Variants in UBE2D3 observed in about 807,000 individuals in gnomAD.
UBE2D3 encodes ubiquitin conjugating enzyme E2 D3.
Under a neutral mutation model 22.8 loss-of-function variants are expected in UBE2D3, and 2 were observed. The observed-to-expected ratio is 0.09, with a 90% CI of 0.04 to 0.28. The LOEUF is 0.28. Among genes scored for constraint, UBE2D3 ranks in the 10% least tolerant of loss-of-function variants. The pLI, the probability that UBE2D3 is intolerant of heterozygous loss-of-function variation, is 1.00. For missense variants in UBE2D3, 27 were observed against 182.5 expected (o/e 0.15, Z 4.91); for synonymous variants, 56 against 60.4 (o/e 0.93, Z 0.34).
At chr4:102,799,831 CT>C (rs1293175891) in intron 6 of UBE2D3, among the ~76,000 whole-genome samples, 25 of 69,334 alleles carry the variant, frequency 3.6e-4, no homozygotes, top group African/African-American at 1.6e-3. Context: ...TACTCAGTGG[CT>C]GGGGGGGGGG....
intron 2 of UBE2D3, chr4:102,825,523 C>G (rs1043478581): frequency 6.9e-5 from 81 of 1,173,212 alleles, no homozygotes; most frequent in Non-Finnish European, 8.5e-5. Flanking sequence ...CCAGTTAAAG[C>G]AGCCGCCATC....
chr4:102,833,052 A>G (rs1731199457), intron 1 of UBE2D3, among the ~76,000 whole-genome samples: 1 of 152,022 alleles, frequency 6.6e-6, no homozygotes. Context: ...CTAATAAAAT[A>G]ACTTGAAACA....
chr4:102,842,988 T>C (rs1334947869), intron 1 of UBE2D3, among the ~76,000 whole-genome samples: 1 of 145,066 alleles, frequency 6.9e-6, no homozygotes. Context: ...TGCATGCTTG[T>C]AATCCCAGCT....
chr4:102,814,457 C>CT (rs574701413), intron 2 of UBE2D3, among the ~76,000 whole-genome samples: 1,615 of 119,102 alleles, frequency 0.014, 17 homozygotes, highest in Non-Finnish European at 0.02. Context: ...CCTGGCTATT[C>CT]TTTTTTTTTT....
At chr4:102,861,974 G>C (rs1032678828) in intron 1 of UBE2D3, among the ~76,000 whole-genome samples, 1 of 151,950 alleles carries the variant, frequency 6.6e-6, no homozygotes, top group African/African-American at 2.4e-5. Flanking sequence ...CTGGGGTGCA[G>C]AGGCATAATC....
intron 1 of UBE2D3, chr4:102,843,640 A>G (rs1731885361): frequency 6.7e-6 from 1 of 148,800 alleles, no homozygotes; most frequent in Admixed American, 6.8e-5. Context: ...ATATCCTAAC[A>G]TATTTCTGGC....
intron 1 of UBE2D3, among the ~76,000 whole-genome samples, chr4:102,847,888 C>T (rs1413828274): frequency 1.3e-5 from 2 of 152,136 alleles, no homozygotes; most frequent in Non-Finnish European, 2.9e-5. Context: ...TCAAGAGATC[C>T]TCCCACCGTA....
In UBE2D3 at chr4:102,795,235, A is replaced by G. The variant is rs1725153748; in HGVS notation, c.*2180T>C. On this transcript the variant is annotated 3_prime_UTR_variant, in exon 8 of 8. Coordinates refer to ENST00000453744, the MANE Select transcript of UBE2D3 (RefSeq NM_181891.3). ...ACAATCAAAGAAGTCATCTCCGTAAATACCTAAGGGTTGTCTAAGGCTATA... is the reference window on the plus strand; with the variant it reads ...ACAATCAAAGAAGTCATCTCCGTAAGTACCTAAGGGTTGTCTAAGGCTATA... 6.6e-6 allele frequency: 1 copy of G among 152,026 alleles called. No individual in the cohort carries two copies. Among genetic ancestry groups the G allele is most frequent in the African/African-American group, 2.4e-5 (1 of 41,442 alleles). 9.4% of individuals were successfully genotyped at this position (152,026 alleles called of 1,614,324 possible). A position where few individuals can be genotyped will look rare whatever the true frequency, so the allele number is the denominator to read the frequency against.
intron 1 of UBE2D3, among the ~76,000 whole-genome samples, chr4:102,851,860 G>A (rs182491433): frequency 1.3e-4 from 20 of 151,892 alleles, no homozygotes; most frequent in Admixed American, 2.6e-4. Context: ...GTAGAGACGG[G>A]GTTTCACAGT....
At chr4:102,804,990 C>CATTG (rs1342849705) in intron 4 of UBE2D3, among the ~76,000 whole-genome samples, 2 of 152,080 alleles carry the variant, frequency 1.3e-5, no homozygotes, top group Non-Finnish European at 2.9e-5. Context: ...CGGCCCCAAA[C>CATTG]ATTGAAGTTT....
chr4:102,828,183 C>T, upstream of UBE2D3: 1 of 985,478 alleles, frequency 1.0e-6, no homozygotes, highest in Non-Finnish European at 1.2e-6. Flanking sequence ...ATTCCCCAGA[C>T]TGGTAAGAGC....
In UBE2D3 at chr4:102,858,188, A is replaced by G. The variant is rs989093142; in HGVS notation, c.-129+10527T>C. 3.3e-5 allele frequency among the ~76,000 whole-genome samples: 5 copies of G among 152,034 alleles called. 1 individual carries two copies. The highest frequency in any genetic ancestry group is 1.2e-4 in the African/African-American group (5 of 41,424). Reference sequence around the variant, plus strand: ...TTAAAACACATAATGTACAAATAAAACACCATGATTTGGCATATAGTAAGC... The same window carrying G: ...TTAAAACACATAATGTACAAATAAAGCACCATGATTTGGCATATAGTAAGC... On this transcript the variant is annotated intron_variant, in intron 1 of 7. Coordinates refer to the UBE2D3 transcript ENST00000338145.
chr4:102,825,931 C>T (rs1332167726), intron 2 of UBE2D3: 1 of 364,598 alleles, frequency 2.7e-6, no homozygotes, highest in African/African-American at 2.1e-5. Context: ...GTGTAACCTG[C>T]CCAGAGTCGA....
chr4:102,807,371 G>A (rs1008300668), intron 4 of UBE2D3, among the ~76,000 whole-genome samples: 1 of 152,168 alleles, frequency 6.6e-6, no homozygotes, highest in South Asian at 2.1e-4. Context: ...ACTATTTAAA[G>A]CTGGCATCTA....
chr4:102,863,153 C>T (rs867287966), intron 1 of UBE2D3, among the ~76,000 whole-genome samples: 10 of 151,848 alleles, frequency 6.6e-5, no homozygotes, highest in African/African-American at 1.9e-4. Flanking sequence ...CAGGATCAAG[C>T]GATTCTCCTG....
upstream of UBE2D3, among the ~76,000 whole-genome samples, chr4:102,828,878 G>T (rs1209504081): frequency 6.6e-6 from 1 of 152,198 alleles, no homozygotes; most frequent in African/African-American, 2.4e-5. Context: ...GAATTTAAAA[G>T]TGGGTAAGCA....
intron 1 of UBE2D3, among the ~76,000 whole-genome samples, chr4:102,862,856 G>A (rs1246612545): frequency 2.0e-5 from 3 of 152,132 alleles, no homozygotes; most frequent in African/African-American, 4.8e-5. Context: ...ATTTAAATAA[G>A]AGGTTTATTT....
intron 1 of UBE2D3, among the ~76,000 whole-genome samples, chr4:102,834,395 C>T (rs1420040135): frequency 6.6e-6 from 1 of 152,078 alleles, no homozygotes; most frequent in Non-Finnish European, 1.5e-5. Context: ...CCTGGTTTCC[C>T]TCCTACCACC....
chr4:102,858,834 T>C (rs945733157), intron 1 of UBE2D3, among the ~76,000 whole-genome samples: 1 of 151,974 alleles, frequency 6.6e-6, no homozygotes, highest in African/African-American at 2.4e-5. Flanking sequence ...CACATTGTTA[T>C]CGATGTCAAA....
Sources: gnomAD v4.1 joint callset for allele counts (sites outside exome capture counted in the v4.1 genomes callset) on GRCh38, gnomAD v4.1.1 for gene constraint, MANE v1.5 for transcripts, NCBI Gene and HGNC (gene_info 2026-07-23, HGNC 2026-07-21) for gene names.